TRERF1: variants seen among roughly 807,000 people sequenced by gnomAD.
TRERF1 encodes the protein transcriptional regulating factor 1, also known as transcriptional-regulating factor 1.
In TRERF1, 27 loss-of-function variants were observed where a neutral mutation model predicts 122.9. The observed-to-expected ratio is 0.22, with a 90% confidence interval of 0.16 to 0.30. The LOEUF is 0.30. TRERF1 is among the 10% of genes least tolerant of loss of function. The probability of loss-of-function intolerance (pLI) is 1.00; values close to 1 mark genes in which losing one functional copy is unlikely to be tolerated. For synonymous variants in TRERF1, 636 were observed against 641.7 expected, an observed-to-expected ratio of 0.99 and a Z score of 0.13; for missense variants, 1,248 against 1,560.3, an observed-to-expected ratio of 0.80 and a Z score of 3.37.
chr6:42,395,188 C>G (rs1778385953), intron 2 of TRERF1, among the ~76,000 whole-genome samples: 1 of 152,196 alleles, frequency 6.6e-6, no homozygotes. Context: ...CAGCCAACTT[C>G]CCCTCTACAA....
intron 2 of TRERF1, among the ~76,000 whole-genome samples, chr6:42,432,596 C>G (rs1481029966): frequency 6.6e-6 from 1 of 152,190 alleles, no homozygotes; most frequent in Non-Finnish European, 1.5e-5. Context: ...AATCCCAGCA[C>G]TCTGGGAGGT....
rs775560146 is a variant in TRERF1, at chr6:42,268,665, G to GGCTGCT, written c.920_925dup (p.Gln307_Gln308dup). 1.9e-6 allele frequency: 3 copies of GGCTGCT among 1,613,840 alleles called. No individual in the cohort carries two copies. In the African/African-American group the frequency reaches 4.0e-5, roughly 22 times the overall value. On this transcript the variant is annotated inframe_insertion, in exon 5 of 18. Transcript: ENST00000372922. This position sits in a 1 kb window ranked among gnomAD's most constrained non-coding sequence, Gnocchi z 4.4. ...CCGCTGCTGCAGCTGTAGCTGCTGC[G>GGCTGCT]GCTGCTGCTGCTGTGGCGGCGGCTG...
chr6:42,382,518 C>T (rs1280238593), intron 2 of TRERF1, among the ~76,000 whole-genome samples: 2 of 151,384 alleles, frequency 1.3e-5, no homozygotes, highest in East Asian at 1.9e-4. Flanking sequence ...ACACAGGGTA[C>T]TGACTTATTT....
intron 3 of TRERF1, among the ~76,000 whole-genome samples, chr6:42,344,040 TG>T (rs1365236032): frequency 1.3e-5 from 2 of 152,228 alleles, no homozygotes; most frequent in Non-Finnish European, 2.9e-5. Context: ...AGGAAGGCAC[TG>T]CATGGAATTG....
At chr6:42,436,800 C>CAAAAAAA (rs775861205) in intron 2 of TRERF1, among the ~76,000 whole-genome samples, 19 of 77,536 alleles carry the variant, frequency 2.5e-4, no homozygotes, top group African/African-American at 1.2e-3. Context: ...TCTCCCTCTA[C>CAAAAAAA]AAAAAAAAAA....
chr6:42,403,638 C>T (rs746022090), intron 2 of TRERF1, among the ~76,000 whole-genome samples: 3 of 152,304 alleles, frequency 2.0e-5, no homozygotes, highest in Admixed American at 1.3e-4. Flanking sequence ...GTATGTAGTA[C>T]TTTGTTTCAG....
Position 42,268,906 on chromosome 6 carries a change from G to C in TRERF1, c.685C>G (p.Gln229Glu). 1 of 1,613,414 alleles carries C rather than the reference G, an allele frequency of 6.2e-7. No individual in the cohort carries two copies. The highest frequency in any genetic ancestry group is 1.7e-5 in the Admixed American group (1 of 60,006). ...TGGTAGTCATAATACAGGTGCCCTT[G>C]GGTAGGGTGCTGCCCGACCTGAAGA... The change falls in exon 5 of 18, where the codon CAA becomes GAA. Residue 229 changes from glutamine to glutamate, a missense_variant. Coordinates refer to ENST00000372922, the Ensembl canonical transcript of TRERF1. The surrounding 1 kb of genome is among the most constrained non-coding windows in gnomAD (Gnocchi z 4.4).
rs766303709 is a variant in TRERF1 at position 42,256,761 on chromosome 6, C to A, written c.2547G>T (p.Leu849Phe). 5 of 1,614,194 alleles carry A rather than the reference C, an allele frequency of 3.1e-6. No individual in the cohort carries two copies. The Admixed American group carries it at 8.3e-5, about 27-fold the overall frequency. Residue 849 changes from leucine (L) to phenylalanine (F), a missense_variant, in exon 12 of 18, where the codon TTG (leucine) becomes TTT (phenylalanine). Leu to Phe is a conservative substitution (Grantham distance 22, BLOSUM62 0). This residue lies in a region of TRERF1 where 58 missense variants were observed against 132.5 expected (regional missense o/e 0.44). Transcript: ENST00000372922. ...CACCTTTGGCCTCAAACAGAGAGTG[C>A]AAAGCAAATTCAGAATTGGTCCCTC...
intron 13 of TRERF1, among the ~76,000 whole-genome samples, chr6:42,247,294 A>G (rs887771483): frequency 6.6e-6 from 1 of 152,216 alleles, no homozygotes; most frequent in South Asian, 2.1e-4. Flanking sequence ...TGTTCATTCA[A>G]CAGATATTTA....
Position 42,302,471 on chromosome 6 carries a change from T to C in TRERF1, c.-370-1722A>G, listed in dbSNP as rs550411892. Among the ~76,000 whole-genome samples the C allele has an allele frequency of 3.3e-5, 5 of 152,370 alleles. No individual in the cohort carries two copies. The South Asian group carries it at 8.3e-4, about 25-fold the overall frequency. ...AAGAAAACTTCCTTTTTCAAAGCCT[T>C]GTTTGTTTTGTTTTTTTAAATGCAA... On this transcript the variant is annotated intron_variant, in intron 3 of 17. Coordinates refer to ENST00000372922, the Ensembl canonical transcript of TRERF1.
chr6:42,439,605 CAAAT>C (rs890667673), intron 2 of TRERF1, among the ~76,000 whole-genome samples: 15 of 152,010 alleles, frequency 9.9e-5, no homozygotes, highest in African/African-American at 3.4e-4. Context: ...AATAGATAAA[CAAAT>C]AAGACTCCAA....
At chr6:42,250,555 T>C (rs1262851797) in intron 13 of TRERF1, among the ~76,000 whole-genome samples, 1 of 152,070 alleles carries the variant, frequency 6.6e-6, no homozygotes, top group Non-Finnish European at 1.5e-5. Flanking sequence ...GGCAGGGTGT[T>C]GCCTCAAATC....
At chr6:42,242,886 T>C (rs147232613) in intron 15 of TRERF1, among the ~76,000 whole-genome samples, 1 of 152,230 alleles carries the variant, frequency 6.6e-6, no homozygotes, top group East Asian at 1.9e-4. Context: ...GTAGCATCTA[T>C]GACATGGAAA....
chr6:42,444,287 A>C (rs1314869319), intron 2 of TRERF1, among the ~76,000 whole-genome samples: 1 of 151,260 alleles, frequency 6.6e-6, no homozygotes, highest in Non-Finnish European at 1.5e-5. Context: ...TTTTCTAATC[A>C]TAGTTTTCAA....
chr6:42,327,464 C>T (rs1473946432), intron 3 of TRERF1, among the ~76,000 whole-genome samples: 1 of 152,182 alleles, frequency 6.6e-6, no homozygotes, highest in Non-Finnish European at 1.5e-5. Flanking sequence ...AAGATGATGA[C>T]TTCTGTATCC....
chr6:42,356,930 C>T (rs746861852), intron 3 of TRERF1, among the ~76,000 whole-genome samples: 11 of 152,048 alleles, frequency 7.2e-5, no homozygotes, highest in Non-Finnish European at 1.3e-4. Context: ...GCAGCCTGAG[C>T]TAAGACAAGA....
At chr6:42,296,938 T>G (rs1024088139) in intron 4 of TRERF1, among the ~76,000 whole-genome samples, 2 of 152,204 alleles carry the variant, frequency 1.3e-5, no homozygotes, top group African/African-American at 4.8e-5. Context: ...TCAAGGAAGA[T>G]AAACAATAGA....
At chr6:42,380,686 A>T (rs1430058028) in intron 2 of TRERF1, among the ~76,000 whole-genome samples, 2 of 151,988 alleles carry the variant, frequency 1.3e-5, no homozygotes, top group Admixed American at 6.6e-5. Context: ...GCAATTTCTC[A>T]CTCCCCAAAG....
chr6:42,329,662 C>T (rs1206242782), intron 3 of TRERF1, among the ~76,000 whole-genome samples: 13 of 152,230 alleles, frequency 8.5e-5, no homozygotes, highest in Non-Finnish European at 1.6e-4. Context: ...AGGCACACTA[C>T]ACAGGAAAAA....
Sources: gnomAD v4.1 joint callset for allele counts (sites outside exome capture counted in the v4.1 genomes callset) on GRCh38, gnomAD v4.1.1 for gene constraint, gnomAD v4.1.1 regional missense constraint, Gnocchi (gnomAD v3.1) non-coding constraint, MANE v1.5 for transcripts, NCBI Gene and HGNC (gene_info 2026-07-23, HGNC 2026-07-21) for gene names.